Variants in EPAS1 observed in about 807,000 individuals in gnomAD.
EPAS1 encodes the protein endothelial PAS domain-containing protein 1.
In EPAS1, 23 loss-of-function variants were observed where a neutral mutation model predicts 87.9. The ratio of observed to expected loss-of-function variants is 0.26; its 90% CI spans 0.19 to 0.37. The LOEUF (loss-of-function observed/expected upper bound fraction) is 0.37. Among genes scored for constraint, EPAS1 ranks in the 10% least tolerant of loss-of-function variants. The pLI, the probability that EPAS1 is intolerant of heterozygous loss-of-function variation, is 1.00. For missense variants in EPAS1, 1,138 were observed against 1,120.7 expected, an observed-to-expected ratio of 1.02 and a Z score of -0.22; for synonymous variants, 508 against 444.3, an observed-to-expected ratio of 1.14 and a Z score of -1.80.
intron 1 of EPAS1, among the ~76,000 whole-genome samples, chr2:46,333,065 C>G (rs960143515): frequency 6.6e-6 from 1 of 152,176 alleles, no homozygotes; most frequent in Non-Finnish European, 1.5e-5. Flanking sequence ...CCTTAGTATA[C>G]AGGGATTTGT....
intron 1 of EPAS1, among the ~76,000 whole-genome samples, chr2:46,337,418 G>A (rs1456868238): frequency 1.3e-5 from 2 of 152,220 alleles, no homozygotes; most frequent in Admixed American, 6.5e-5. Context: ...GGCAGGGAGT[G>A]GGAGGGGCAG....
chr2:46,357,845 A>G (rs1331126878), intron 4 of EPAS1, among the ~76,000 whole-genome samples: 1 of 152,260 alleles, frequency 6.6e-6, no homozygotes, highest in East Asian at 1.9e-4. Flanking sequence ...CAATGGTTGC[A>G]ATGGCAGTGG....
chr2:46,297,958 A>T (rs1440989262), intron 1 of EPAS1, 21 bp downstream of exon 1: 1 of 1,611,116 alleles, frequency 6.2e-7, no homozygotes, highest in South Asian at 1.1e-5. Flanking sequence ...GTCCGGGCCG[A>T]TCAGGGGGCC....
chr2:46,336,141 T>A (rs923150197), intron 1 of EPAS1, among the ~76,000 whole-genome samples: 5 of 152,088 alleles, frequency 3.3e-5, no homozygotes, highest in Non-Finnish European at 7.4e-5. Flanking sequence ...GCAGCTGGGA[T>A]CACTTTTTCT....
At chr2:46,374,586 G>C (rs1684697488) in intron 7 of EPAS1, among the ~76,000 whole-genome samples, 1 of 152,030 alleles carries the variant, frequency 6.6e-6, no homozygotes, top group African/African-American at 2.4e-5. Context: ...AAACCAAGAA[G>C]GATTGTTCCT....
At chr2:46,319,452 T>C (rs1036774816) in intron 1 of EPAS1, among the ~76,000 whole-genome samples, 1 of 152,260 alleles carries the variant, frequency 6.6e-6, no homozygotes, top group Non-Finnish European at 1.5e-5. Context: ...TTTATACAGT[T>C]GTTTTCATGA....
chr2:46,297,834 G>A lies in EPAS1; in HGVS notation c.-78G>A. 6.4e-7 allele frequency: 1 copy of A among 1,565,566 alleles called. No homozygotes were observed. The highest frequency in any genetic ancestry group is 8.7e-7 in the Non-Finnish European group (1 of 1,155,000). On this transcript the variant is annotated 5_prime_UTR_variant, in exon 1 of 16. Transcript: ENST00000263734. ...ACCACCCGCCCGGGCCGCGGGGAGCGGACGAGGGCCACAGCCCCCCACCCG... is the reference window on the plus strand; with the variant it reads ...ACCACCCGCCCGGGCCGCGGGGAGCAGACGAGGGCCACAGCCCCCCACCCG...
At chr2:46,316,486 A>G (rs1351713828) in intron 1 of EPAS1, among the ~76,000 whole-genome samples, 1 of 152,174 alleles carries the variant, frequency 6.6e-6, no homozygotes, top group Non-Finnish European at 1.5e-5. Flanking sequence ...GTCTCGAACT[A>G]CTGGCCTCAA....
At chr2:46,378,399 T>C (rs1684805529) in intron 10 of EPAS1, among the ~76,000 whole-genome samples, 1 of 152,240 alleles carries the variant, frequency 6.6e-6, no homozygotes, top group Non-Finnish European at 1.5e-5. Flanking sequence ...ACAGCCTGTA[T>C]CCTGTTTGGT....
chr2:46,380,159 G>A lies in EPAS1; in HGVS notation c.1555-68G>A. Reference sequence around the variant, plus strand: ...TGAGATGAATGGCTCTGCAGGAGCTGAGTTGGAATAGTGTTTGTGAGGTCG... The same window carrying A: ...TGAGATGAATGGCTCTGCAGGAGCTAAGTTGGAATAGTGTTTGTGAGGTCG... On this transcript the variant is annotated intron_variant, in intron 11 of 15. Transcript: ENST00000263734. The surrounding 1 kb of genome is among the most constrained non-coding windows in gnomAD (Gnocchi z 4.4). The A allele has an allele frequency of 6.3e-7, 1 of 1,599,258 alleles. No individual in the cohort carries two copies. Among genetic ancestry groups the A allele is most frequent in the Non-Finnish European group, 8.5e-7 (1 of 1,179,554 alleles).
chr2:46,382,636 T>A, intron 15 of EPAS1, 38 bp downstream of exon 15: 1 of 1,612,942 alleles, frequency 6.2e-7, no homozygotes, highest in Non-Finnish European at 8.5e-7. Context: ...CATCCCAGGA[T>A]TCGATGCCAG....
chr2:46,354,479 C>G (rs568544845), intron 2 of EPAS1, among the ~76,000 whole-genome samples: 51 of 151,650 alleles, frequency 3.4e-4, no homozygotes, highest in Admixed American at 3.2e-3. Context: ...GTATAACAAC[C>G]AAAGGCCTGG....
chr2:46,371,033 C>T lies in EPAS1; in HGVS notation c.886+1100C>T, dbSNP rs1459602227. Among the ~76,000 whole-genome samples, 2 of 152,116 alleles carry T rather than the reference C, an allele frequency of 1.3e-5. No homozygotes were observed. The highest frequency in any genetic ancestry group is 2.9e-5 in the Non-Finnish European group (2 of 68,036). On this transcript the variant is annotated intron_variant, in intron 7 of 15. Coordinates refer to ENST00000263734, the MANE Select transcript of EPAS1 (RefSeq NM_001430.5). The surrounding 1 kb of genome is among the most constrained non-coding windows in gnomAD (Gnocchi z 4.3). ...AGCATAGCGTCTGGTACAGAACAGG[C>T]ACTAAATGCACTATATAAACCGATG...
chr2:46,380,170 G>C lies in EPAS1; in HGVS notation c.1555-57G>C, dbSNP rs1684853666. The C allele has an allele frequency of 6.2e-7, 1 of 1,600,402 alleles. No homozygotes were observed. The highest frequency in any genetic ancestry group is 8.5e-7 in the Non-Finnish European group (1 of 1,179,880). ...GCTCTGCAGGAGCTGAGTTGGAATA[G>C]TGTTTGTGAGGTCGTACCAACCCCC... On this transcript the variant is annotated intron_variant, in intron 11 of 15. Transcript: ENST00000263734. The surrounding 1 kb of genome is among the most constrained non-coding windows in gnomAD (Gnocchi z 4.4).
chr2:46,383,444 G>GA (rs1327855783), intron 15 of EPAS1, among the ~76,000 whole-genome samples: 2 of 152,204 alleles, frequency 1.3e-5, no homozygotes, highest in Non-Finnish European at 2.9e-5. Context: ...GTGGTTTATG[G>GA]AAAAACATAC....
chr2:46,352,536 G>A (rs1868086), intron 2 of EPAS1, among the ~76,000 whole-genome samples: 2 of 152,174 alleles, frequency 1.3e-5, no homozygotes, highest in South Asian at 2.1e-4. Flanking sequence ...AAGACACGAT[G>A]TTCATAGGGG....
intron 6 of EPAS1, among the ~76,000 whole-genome samples, chr2:46,361,477 A>C (rs1397588204): frequency 6.6e-6 from 1 of 152,196 alleles, no homozygotes; most frequent in Non-Finnish European, 1.5e-5. Flanking sequence ...AAGGAGCATC[A>C]GCTTCTGCCC....
At chr2:46,366,525 A>G (rs1684505087) in intron 6 of EPAS1, among the ~76,000 whole-genome samples, 1 of 152,060 alleles carries the variant, frequency 6.6e-6, no homozygotes, top group Admixed American at 6.6e-5. Context: ...TCCTCACTGC[A>G]TCCTTGGTCT....
At position 46,360,552 on chromosome 2, in the gene EPAS1, G is replaced by T. The variant is rs1023662517; in HGVS notation, c.455-86G>T. The T allele has an allele frequency of 8.5e-7, 1 of 1,178,448 alleles. No homozygotes were observed. Among genetic ancestry groups the T allele is most frequent in the Admixed American group, 1.7e-5 (1 of 59,416 alleles). The allele number at this position is 1,178,448 out of a possible 1,614,324, so 73.0% of individuals were successfully genotyped here. On this transcript the variant is annotated intron_variant, in intron 4 of 15. Transcript: ENST00000263734. This position sits in a 1 kb window ranked among gnomAD's most constrained non-coding sequence, Gnocchi z 4.5. ...ATTTGGAAAATATAAACAATAGGCT[G>T]CCAAGAAAAACTGCAGCTGGGCCCC...
Sources: allele counts gnomAD v4.1 joint callset (sites outside exome capture counted in the v4.1 genomes callset), GRCh38; gene constraint gnomAD v4.1.1; non-coding constraint Gnocchi (gnomAD v3.1); transcripts MANE v1.5; gene names NCBI Gene and HGNC (gene_info 2026-07-23, HGNC 2026-07-21).